DUSP16: variants seen among roughly 807,000 people sequenced by gnomAD.
DUSP16 encodes the protein dual specificity phosphatase 16.
In DUSP16, 21 loss-of-function variants were observed where a neutral mutation model predicts 58.3. That is an observed-to-expected ratio of 0.36 (90% CI 0.26 to 0.52). The LOEUF is 0.52. Ranked by LOEUF, DUSP16 falls within the 20% of genes least tolerant of loss-of-function variation. The pLI is 0.94. For missense variants in DUSP16, 726 were observed against 819.0 expected (o/e 0.89, Z 1.39); for synonymous variants, 320 against 323.8 (o/e 0.99, Z 0.12).
In DUSP16 at chr12:12,521,222, C is replaced by G; in HGVS notation, c.-124G>C. Reference sequence around the variant, plus strand: ...GTGTATGAGGTCAGGCTGGTGGTGACTGGCAAAAGGAGAGTTAAACCCATT... The same window carrying G: ...GTGTATGAGGTCAGGCTGGTGGTGAGTGGCAAAAGGAGAGTTAAACCCATT... On this transcript the variant is annotated 5_prime_UTR_variant, in exon 2 of 7. Transcript: ENST00000298573. 1 of 1,478,872 alleles carries G rather than the reference C, an allele frequency of 6.8e-7. No individual in the cohort carries two copies. The highest frequency in any genetic ancestry group is 2.3e-5 in the Admixed American group (1 of 43,392). The allele number at this position is 1,478,872 out of a possible 1,614,324, so 91.6% of individuals were successfully genotyped here. A position where few individuals can be genotyped will look rare whatever the true frequency, so the allele number is the denominator to read the frequency against.
chr12:12,537,891 G>GA (rs1264685912), intron 1 of DUSP16, among the ~76,000 whole-genome samples: 1 of 151,168 alleles, frequency 6.6e-6, no homozygotes, highest in African/African-American at 2.4e-5. Context: ...AAAACTCCAG[G>GA]AAAAAAATTA....
At chr12:12,534,643 T>A (rs1462807183) in intron 1 of DUSP16, among the ~76,000 whole-genome samples, 6 of 152,212 alleles carry the variant, frequency 3.9e-5, no homozygotes, top group Non-Finnish European at 2.9e-5. Context: ...TGTCTGATGT[T>A]AAGCTCTTAT....
At chr12:12,558,101 G>A (rs1012484004) in intron 1 of DUSP16, among the ~76,000 whole-genome samples, 1 of 152,170 alleles carries the variant, frequency 6.6e-6, no homozygotes, top group African/African-American at 2.4e-5. Flanking sequence ...TTATAATCCT[G>A]TTCTCCATAA....
chr12:12,540,299 C>T (rs572684613), intron 1 of DUSP16, among the ~76,000 whole-genome samples: 7 of 151,982 alleles, frequency 4.6e-5, no homozygotes, highest in African/African-American at 1.4e-4. Flanking sequence ...CACTGCACTC[C>T]AGCCTGGGCC....
chr12:12,511,310 G>C (rs1473308682), intron 3 of DUSP16, among the ~76,000 whole-genome samples: 1 of 152,036 alleles, frequency 6.6e-6, no homozygotes, highest in Non-Finnish European at 1.5e-5. Flanking sequence ...GAGATGACAG[G>C]TATTGCAGCC....
At chr12:12,492,775 G>A (rs1188776772) in intron 4 of DUSP16, among the ~76,000 whole-genome samples, 2 of 151,996 alleles carry the variant, frequency 1.3e-5, no homozygotes, top group African/African-American at 2.4e-5. Flanking sequence ...GATCACCAGC[G>A]ATAGTCATGT....
intron 4 of DUSP16, among the ~76,000 whole-genome samples, chr12:12,499,713 ATC>A (rs1592176697): frequency 6.6e-6 from 1 of 152,206 alleles, no homozygotes; most frequent in East Asian, 1.9e-4. Context: ...TTGAATTAAG[ATC>A]TCTGACTGCT....
rs61913550 is a variant in DUSP16 at position 12,484,255 on chromosome 12, T to C, written c.691+2773A>G. Among the ~76,000 whole-genome samples the C allele has an allele frequency of 4.3e-3, 651 of 152,312 alleles. 9 individuals are homozygous for C. The highest frequency in any genetic ancestry group is 7.0e-3 in the Non-Finnish European group (479 of 68,028). On this transcript the variant is annotated intron_variant, in intron 5 of 6. Transcript: ENST00000298573. ...GGTGGGATAAGGATGATGGCTCTAA[T>C]AGAACCAAGCAAATGAAATACTGAT...
intron 1 of DUSP16, among the ~76,000 whole-genome samples, chr12:12,542,066 T>C (rs1170411169): frequency 6.6e-6 from 1 of 152,150 alleles, no homozygotes; most frequent in African/African-American, 2.4e-5. Context: ...ACATATTATA[T>C]GAATCCATTT....
chr12:12,476,935 A>C lies in DUSP16; in HGVS notation c.1896T>G (p.Phe632Leu). ...QFKRRSCQMEFGESIMSENRS... is the reference protein window; with the variant it reads ...QFKRRSCQMELGESIMSENRS... The stretch of plus-strand genomic sequence containing the variant: ...TGTTCTCTGACATGATGCTCTCTCC[A>C]AATTCCATTTGGCAGCTTCTGCGTT... Residue 632 changes from phenylalanine to leucine, a missense_variant, in exon 7 of 7, where the codon TTT becomes TTG. Coordinates refer to ENST00000298573, the MANE Select transcript of DUSP16 (RefSeq NM_030640.3). The C allele has an allele frequency of 6.2e-7, 1 of 1,614,078 alleles. No individual in the cohort carries two copies. Among genetic ancestry groups the C allele is most frequent in the Non-Finnish European group, 8.5e-7 (1 of 1,180,032 alleles).
Position 12,505,050 on chromosome 12 carries a change from A to G in DUSP16, c.368-4368T>C, listed in dbSNP as rs980049685. Among the ~76,000 whole-genome samples the G allele has an allele frequency of 6.6e-5, 10 of 152,212 alleles. No homozygotes were observed. In the East Asian group the frequency reaches 1.7e-3, roughly 26 times the overall value. ...ACTGAACACTTACTGCGTGACAAAC[A>G]TTGCTCTAAGCACTCTATAGGTATT... On this transcript the variant is annotated intron_variant, in intron 3 of 6. Transcript: ENST00000298573.
chr12:12,560,305 CGAGTT>C (rs1323709883), intron 1 of DUSP16, among the ~76,000 whole-genome samples: 1 of 151,954 alleles, frequency 6.6e-6, no homozygotes, highest in Non-Finnish European at 1.5e-5. Context: ...GTACTTGAAC[CGAGTT>C]ATTTTCAAAA....
intron 3 of DUSP16, among the ~76,000 whole-genome samples, chr12:12,519,102 G>GC (rs1257698774): frequency 6.6e-6 from 1 of 152,184 alleles, no homozygotes; most frequent in Admixed American, 6.6e-5. Flanking sequence ...AGCTCTATGA[G>GC]CCCACAGGGC....
chr12:12,537,106 A>G (rs1261944737), intron 1 of DUSP16, among the ~76,000 whole-genome samples: 1 of 152,200 alleles, frequency 6.6e-6, no homozygotes, highest in Non-Finnish European at 1.5e-5. Context: ...ACATTTCTTC[A>G]AGGATGACTT....
rs756634635 is a variant in DUSP16 at position 12,474,746 on chromosome 12, G to C, written c.*2087C>G. 2.0e-5 allele frequency: 3 copies of C among 152,310 alleles called. No individual in the cohort carries two copies. Among genetic ancestry groups the C allele is most frequent in the African/African-American group, 7.2e-5 (3 of 41,556 alleles). The allele number at this position is 152,310 out of a possible 1,614,324, so 9.4% of individuals were successfully genotyped here. On this transcript the variant is annotated 3_prime_UTR_variant, in exon 7 of 7. Transcript: ENST00000298573. The stretch of plus-strand genomic sequence containing the variant: ...AGTCCCCCAAACCTCCTGAAACATC[G>C]TTAGCAAGGAGCTACTGCTTTCCTT...
chr12:12,524,421 C>A (rs931916358), intron 1 of DUSP16, among the ~76,000 whole-genome samples: 5 of 152,168 alleles, frequency 3.3e-5, no homozygotes, highest in African/African-American at 1.2e-4. Context: ...CAGAGCCCTG[C>A]CAAGGGATCA....
chr12:12,514,906 G>C (rs1944126035), intron 3 of DUSP16, among the ~76,000 whole-genome samples: 2 of 152,114 alleles, frequency 1.3e-5, no homozygotes, highest in Admixed American at 1.3e-4. Context: ...TGATCCTCCT[G>C]CCTCAGCCTC....
intron 5 of DUSP16, among the ~76,000 whole-genome samples, chr12:12,483,069 GA>G (rs1385944204): frequency 6.6e-6 from 1 of 152,158 alleles, no homozygotes; most frequent in Non-Finnish European, 1.5e-5. Flanking sequence ...AATAAAGAAC[GA>G]GAAGGCAATG....
At chr12:12,492,654 T>C (rs1201414821) in intron 4 of DUSP16, among the ~76,000 whole-genome samples, 1 of 152,018 alleles carries the variant, frequency 6.6e-6, no homozygotes, top group Admixed American at 6.6e-5. Flanking sequence ...TCTTTGAAAT[T>C]CCTTGAAAGA....
Sources: gnomAD v4.1 joint callset for allele counts (sites outside exome capture counted in the v4.1 genomes callset) on GRCh38, gnomAD v4.1.1 for gene constraint, MANE v1.5 for transcripts, NCBI Gene and HGNC (gene_info 2026-07-23, HGNC 2026-07-21) for gene names.